Variants in CELF5 observed in about 807,000 individuals in gnomAD.
CELF5 encodes CUGBP Elav-like family member 5.
In CELF5, 6 loss-of-function variants were observed where a neutral mutation model predicts 54.9. The observed-to-expected ratio is 0.11, with a 90% CI of 0.06 to 0.22. The LOEUF is 0.22. CELF5 is among the 10% of genes least tolerant of loss of function. The pLI, the probability that CELF5 is intolerant of heterozygous loss-of-function variation, is 1.00. For synonymous variants in CELF5, 271 were observed against 290.9 expected (o/e 0.93, Z 0.70); for missense variants, 401 against 678.6 (o/e 0.59, Z 4.54).
At chr19:3,289,459 A>G (rs546917279) in intron 10 of CELF5, among the ~76,000 whole-genome samples, 1 of 152,054 alleles carries the variant, frequency 6.6e-6, no homozygotes, top group Non-Finnish European at 1.5e-5. Context: ...AGGCGGGCAG[A>G]TCACTTGAGG....
chr19:3,234,241 G>A (rs1917413280), intron 1 of CELF5, among the ~76,000 whole-genome samples: 1 of 151,950 alleles, frequency 6.6e-6, no homozygotes, highest in African/African-American at 2.4e-5. Flanking sequence ...CTAGTGATGT[G>A]GTTCGTTCTC....
chr19:3,243,003 C>T (rs1474690954), intron 1 of CELF5, among the ~76,000 whole-genome samples: 1 of 152,062 alleles, frequency 6.6e-6, no homozygotes, highest in Non-Finnish European at 1.5e-5. Flanking sequence ...CCTGGACATT[C>T]TACTTACCAC....
At chr19:3,251,094 G>T in intron 2 of CELF5, 27 bp downstream of exon 2, 2 of 1,578,158 alleles carry the variant, frequency 1.3e-6, no homozygotes, top group Non-Finnish European at 1.7e-6. Flanking sequence ...GTCTGGGGAG[G>T]AGGGGACAGG....
intron 11 of CELF5, among the ~76,000 whole-genome samples, chr19:3,291,252 C>A (rs2080342987): frequency 6.6e-6 from 1 of 151,732 alleles, no homozygotes; most frequent in South Asian, 2.1e-4. Context: ...GACAACACAG[C>A]AAGACCCTGT....
At chr19:3,248,893 CCTTCCTTCCTTCCTTTCTTT>C (rs1412190782) in intron 1 of CELF5, among the ~76,000 whole-genome samples, 2 of 117,412 alleles carry the variant, frequency 1.7e-5, no homozygotes, top group African/African-American at 3.0e-5. Context: ...TTCCTTCCTT[CCTTCCTTCCTTCCTTTCTTT>C]CTTTCTTTCT....
In CELF5 at chr19:3,231,447, C is replaced by CGGATGGAT. The variant is rs111427441; in HGVS notation, c.259+6488_259+6495dup. ...TTGAATGGATTGATGGATGGGTGAA[C>CGGATGGAT]GGATGGATGGATGGATGGATGGATG... is the stretch of plus-strand genomic sequence containing the variant. On this transcript the variant is annotated intron_variant, in intron 1 of 12. Transcript: ENST00000292672. Among the ~76,000 whole-genome samples the CGGATGGAT allele has an allele frequency of 5.9e-3, 853 of 144,638 alleles. 11 individuals are homozygous for CGGATGGAT. Among genetic ancestry groups the CGGATGGAT allele is most frequent in the African/African-American group, 0.018 (691 of 38,174 alleles). 94.9% of individuals were successfully genotyped at this position (144,638 alleles called of 152,430 possible).
intron 1 of CELF5, among the ~76,000 whole-genome samples, chr19:3,245,348 G>A (rs2079551998): frequency 6.8e-6 from 1 of 146,202 alleles, no homozygotes. Flanking sequence ...GTGTGTTTGT[G>A]TGCATGCATC....
Position 3,275,711 on chromosome 19 carries a change from C to G in CELF5, c.395-145C>G, listed in dbSNP as rs1429515528. Reference sequence around the variant, plus strand: ...GGGAAAGGGCGCGGCTGGGTCCTCCCTCGCACGCGCAGAACCGGAGCCGGC... The same window carrying G: ...GGGAAAGGGCGCGGCTGGGTCCTCCGTCGCACGCGCAGAACCGGAGCCGGC... On this transcript the variant is annotated intron_variant, in intron 3 of 12. Coordinates refer to ENST00000292672, the MANE Select transcript of CELF5 (RefSeq NM_021938.4). This position sits in a 1 kb window ranked among gnomAD's most constrained non-coding sequence, Gnocchi z 6.7. 1 of 836,082 alleles carries G rather than the reference C, an allele frequency of 1.2e-6. No homozygotes were observed. The highest frequency in any genetic ancestry group is 1.7e-5 in the African/African-American group (1 of 57,572). 51.8% of individuals were successfully genotyped at this position (836,082 alleles called of 1,614,324 possible). A position where few individuals can be genotyped will look rare whatever the true frequency, so the allele number is the denominator to read the frequency against.
intron 1 of CELF5, 102 bp downstream of exon 1, chr19:3,225,100 C>T: frequency 5.3e-6 from 4 of 748,172 alleles, no homozygotes; most frequent in Admixed American, 6.2e-5. Flanking sequence ...TGCTCACCTC[C>T]CTCCTCTGCC....
intron 1 of CELF5, among the ~76,000 whole-genome samples, chr19:3,231,447 C>CGGAT (rs111427441): frequency 0.022 from 3,249 of 144,600 alleles, 45 homozygotes; most frequent in African/African-American, 0.036. Context: ...GATGGGTGAA[C>CGGAT]GGATGGATGG....
At chr19:3,291,623 G>A (rs1051385538) in intron 11 of CELF5, among the ~76,000 whole-genome samples, 3 of 151,748 alleles carry the variant, frequency 2.0e-5, no homozygotes, top group African/African-American at 7.3e-5. Flanking sequence ...ACCAGGCATG[G>A]GAAATCTGGG....
chr19:3,255,835 C>T (rs927605743), intron 2 of CELF5, among the ~76,000 whole-genome samples: 3 of 152,010 alleles, frequency 2.0e-5, no homozygotes, highest in Non-Finnish European at 4.4e-5. Context: ...GAGGCCGAGG[C>T]GAGCAGATCA....
chr19:3,293,183 C>T (rs138030355), intron 11 of CELF5, 136 bp from the exon 12 acceptor site: 2 of 1,196,930 alleles, frequency 1.7e-6, no homozygotes, highest in South Asian at 1.5e-5. Flanking sequence ...TCCTCCACCA[C>T]AAACACCCTG....
At chr19:3,255,069 C>T (rs372688619) in intron 2 of CELF5, among the ~76,000 whole-genome samples, 4 of 152,336 alleles carry the variant, frequency 2.6e-5, no homozygotes, top group African/African-American at 4.8e-5. Flanking sequence ...ATTTACCCCA[C>T]GCTATGCTAA....
intron 8 of CELF5, among the ~76,000 whole-genome samples, chr19:3,283,507 C>T (rs1286914394): frequency 2.0e-5 from 3 of 151,792 alleles, no homozygotes; most frequent in African/African-American, 7.3e-5. Context: ...TGTGCCATCA[C>T]GCCCGGCTAA....
intron 2 of CELF5, among the ~76,000 whole-genome samples, chr19:3,266,512 T>C (rs1201085636): frequency 1.3e-5 from 2 of 152,196 alleles, no homozygotes; most frequent in African/African-American, 4.8e-5. Flanking sequence ...CACTGCTGTC[T>C]AGTATTCCAG....
At chr19:3,274,747 G>A (rs2080019985) in intron 3 of CELF5, among the ~76,000 whole-genome samples, 1 of 152,146 alleles carries the variant, frequency 6.6e-6, no homozygotes, top group Non-Finnish European at 1.5e-5. Flanking sequence ...GTGGAGGCAT[G>A]GAGCAGGAGT....
chr19:3,276,294 G>A (rs1253141843), intron 4 of CELF5, among the ~76,000 whole-genome samples: 2 of 147,654 alleles, frequency 1.4e-5, no homozygotes, highest in African/African-American at 5.0e-5. Flanking sequence ...CCAAAGGTGG[G>A]CCCTTGGGGA....
At chr19:3,262,984 G>A (rs1008479755) in intron 2 of CELF5, among the ~76,000 whole-genome samples, 5 of 150,884 alleles carry the variant, frequency 3.3e-5, no homozygotes, top group South Asian at 2.1e-4. Context: ...TGTGGCTCAC[G>A]CCTGTGGTCC....
Sources: gnomAD v4.1 joint callset for allele counts (sites outside exome capture counted in the v4.1 genomes callset) on GRCh38, gnomAD v4.1.1 for gene constraint, Gnocchi (gnomAD v3.1) non-coding constraint, MANE v1.5 for transcripts, NCBI Gene and HGNC (gene_info 2026-07-23, HGNC 2026-07-21) for gene names.